The following NRXN2 variants were observed in gnomAD, a reference collection of about 807,000 sequenced individuals.
The protein encoded by NRXN2 is neurexin-2-beta.
Under a neutral mutation model 128.8 loss-of-function variants are expected in NRXN2, and 29 were observed. The ratio of observed to expected loss-of-function variants is 0.23; its 90% CI spans 0.17 to 0.31. NRXN2 has a LOEUF of 0.31. Among genes scored for constraint, NRXN2 ranks in the 10% least tolerant of loss-of-function variants. The probability of loss-of-function intolerance (pLI) is 1.00; values close to 1 mark genes in which losing one functional copy is unlikely to be tolerated. For synonymous variants in NRXN2, 1,098 were observed against 1,075.2 expected (o/e 1.02, Z -0.41); for missense variants, 1,881 against 2,452.6 (o/e 0.77, Z 4.92).
intron 2 of NRXN2, among the ~76,000 whole-genome samples, chr11:64,708,160 T>C (rs541852392): frequency 2.0e-3 from 302 of 151,378 alleles, no homozygotes; most frequent in African/African-American, 6.6e-3. Context: ...CTGACCACAC[T>C]GTAGCCCCCA....
chr11:64,703,251 A>G (rs2055760903), intron 2 of NRXN2, among the ~76,000 whole-genome samples: 1 of 152,160 alleles, frequency 6.6e-6, no homozygotes, highest in South Asian at 2.1e-4. Context: ...TCAGAAAAAA[A>G]GGCATTCTCC....
rs575781535 is a variant in NRXN2, at chr11:64,652,137, G to C, written c.2434C>G (p.Leu812Val). Residue 812 changes from leucine to valine, a missense_variant, in exon 13 of 23, where the codon CTG (leucine) becomes GTG (valine). Physicochemically the swap from Leu to Val is conservative, Grantham distance 32. Around this residue, in one of 7 missense-constraint regions of NRXN2, gnomAD observed 997 missense variants for 1,240.8 expected, o/e 0.80. Transcript: ENST00000265459. ...GCAPSKGPET[L>V]FAGHKLNDNE... ...TCATTGAGCTTGTGCCCCGCAAACA[G>C]CGTTTCGGGGCCTTTACCTGCGGCA... 3 of 1,612,582 alleles carry C rather than the reference G, an allele frequency of 1.9e-6. No individual in the cohort carries two copies. The highest frequency in any genetic ancestry group is 2.5e-6 in the Non-Finnish European group (3 of 1,179,936).
chr11:64,671,506 C>T (rs937864546), intron 7 of NRXN2, among the ~76,000 whole-genome samples: 8 of 152,218 alleles, frequency 5.3e-5, no homozygotes, highest in Non-Finnish European at 1.0e-4. Context: ...CTCCCCCCCA[C>T]GCATCTTCTG....
chr11:64,721,186 C>T (rs1047762555), intron 1 of NRXN2, among the ~76,000 whole-genome samples: 1 of 151,276 alleles, frequency 6.6e-6, no homozygotes, highest in Non-Finnish European at 1.5e-5. Context: ...CCACCGAGCG[C>T]GTGTATCATT....
chr11:64,627,013 G>C, intron 19 of NRXN2, among the ~76,000 whole-genome samples: 1 of 152,086 alleles, frequency 6.6e-6, no homozygotes, highest in East Asian at 1.9e-4. Context: ...GGGAAGGATG[G>C]GTTAAGCGGG....
chr11:64,695,185 C>T (rs1463481627), intron 3 of NRXN2, among the ~76,000 whole-genome samples: 1 of 152,212 alleles, frequency 6.6e-6, no homozygotes, highest in Non-Finnish European at 1.5e-5. Flanking sequence ...TGGCCCCCAG[C>T]CCCACTGGGG....
rs1191965242 is a variant in NRXN2, at chr11:64,622,784, C to T, written c.4142G>A (p.Arg1381His). Residue 1381 changes from arginine to histidine, a missense_variant, in exon 21 of 23, where the codon CGC becomes CAC. Arg to His is a conservative substitution (Grantham distance 29). Transcript: ENST00000265459. This position sits in a 1 kb window ranked among gnomAD's most constrained non-coding sequence, Gnocchi z 4.3. The stretch of plus-strand genomic sequence containing the variant: ...GGTGCTGTCCCTCAGTGTGGGGGAG[C>T]GGCCCCGGCGCGTGGTGGTAGTGGC... ...TMATTTTRRG[R>H]SPTLRDSTTQ... The T allele has an allele frequency of 3.1e-6, 5 of 1,611,126 alleles. No homozygotes were observed. The highest frequency in any genetic ancestry group is 3.4e-6 in the Non-Finnish European group (4 of 1,179,660).
intron 17 of NRXN2, among the ~76,000 whole-genome samples, chr11:64,640,247 C>T (rs1402287287): frequency 1.3e-5 from 2 of 152,206 alleles, no homozygotes; most frequent in African/African-American, 2.4e-5. Context: ...CACTTTCAAT[C>T]CCTCTGTCCA....
intron 8 of NRXN2, 108 bp downstream of exon 8, chr11:64,668,335 G>T: frequency 7.1e-7 from 1 of 1,415,672 alleles, no homozygotes. Flanking sequence ...CCATGGACTT[G>T]GAAGGAACAG....
intron 2 of NRXN2, chr11:64,712,611 C>T (rs1209011787): frequency 6.6e-6 from 3 of 457,726 alleles, no homozygotes; most frequent in Non-Finnish European, 1.4e-5. Context: ...ACGCAGACCC[C>T]CACCCACAAG....
Position 64,650,477 on chromosome 11 carries a change from G to A in NRXN2, c.3080C>T (p.Ser1027Phe). ...GAGATCGAGGTTTCGGGCGCCATTG[G>A]AGTGCTGCGTGACAGTGCGGGAGTC... The part of the protein sequence containing the change: ...KIDSRTVTQH[S>F]NGARNLDLKG... The change falls in exon 15 of 23, where the codon TCC becomes TTC. Residue 1027 changes from serine to phenylalanine, a missense_variant. Around this residue, in one of 7 missense-constraint regions of NRXN2, gnomAD observed 390 missense variants for 599.6 expected, o/e 0.65. Transcript: ENST00000265459. The A allele has an allele frequency of 6.2e-7, 1 of 1,614,214 alleles. No homozygotes were observed.
intron 7 of NRXN2, among the ~76,000 whole-genome samples, chr11:64,674,958 T>C (rs1242682741): frequency 1.3e-5 from 2 of 152,220 alleles, no homozygotes; most frequent in African/African-American, 4.8e-5. Flanking sequence ...ACTCAGCCCA[T>C]GTGGTCAATT....
At position 64,667,785 on chromosome 11, in the gene NRXN2, C is replaced by T. The variant is rs2050093753; in HGVS notation, c.1360-97G>A. ...GCGAGCACCAGGGGACCCAGCCACCCACCCCTGTAGCCCCTGCTCAGTTCC... is the reference window on the plus strand; with the variant it reads ...GCGAGCACCAGGGGACCCAGCCACCTACCCCTGTAGCCCCTGCTCAGTTCC... On this transcript the variant is annotated intron_variant, in intron 8 of 22. Coordinates refer to ENST00000265459, the MANE Select transcript of NRXN2 (RefSeq NM_015080.4). This position sits in a 1 kb window ranked among gnomAD's most constrained non-coding sequence, Gnocchi z 5.6. The T allele has an allele frequency of 8.7e-7, 1 of 1,146,860 alleles. No homozygotes were observed. Among genetic ancestry groups the T allele is most frequent in the Non-Finnish European group, 1.3e-6 (1 of 778,968 alleles). The allele number at this position is 1,146,860 out of a possible 1,614,324, so 71.0% of individuals were successfully genotyped here. A position where few individuals can be genotyped will look rare whatever the true frequency, so the allele number is the denominator to read the frequency against.
chr11:64,654,166 T>G (rs1308936334), intron 11 of NRXN2, among the ~76,000 whole-genome samples: 1 of 152,048 alleles, frequency 6.6e-6, no homozygotes, highest in East Asian at 1.9e-4. Flanking sequence ...GACTCCCTCC[T>G]CAGAGCCCAG....
chr11:64,688,435 G>GAA, intron 5 of NRXN2: 1 of 985,432 alleles, frequency 1.0e-6, no homozygotes, highest in Non-Finnish European at 1.2e-6. Flanking sequence ...GAGAGAGAGA[G>GAA]AACCTGAGTA....
At chr11:64,641,356 G>A (rs1285037227) in intron 17 of NRXN2, among the ~76,000 whole-genome samples, 1 of 152,086 alleles carries the variant, frequency 6.6e-6, no homozygotes, top group Non-Finnish European at 1.5e-5. Context: ...GGGAAGTGAT[G>A]AATAGACTAA....
Position 64,635,563 on chromosome 11 carries a change from T to A in NRXN2, c.3404-111A>T. Reference sequence around the variant, plus strand: ...GGAACCCCAGGTCTAGATGTGGGACTTCAGCTGTGATACCCACAGCAGCCA... The same window carrying A: ...GGAACCCCAGGTCTAGATGTGGGACATCAGCTGTGATACCCACAGCAGCCA... On this transcript the variant is annotated intron_variant, in intron 17 of 22. Coordinates refer to ENST00000265459, the MANE Select transcript of NRXN2 (RefSeq NM_015080.4). The surrounding 1 kb of genome is among the most constrained non-coding windows in gnomAD (Gnocchi z 4.8). The A allele has an allele frequency of 6.5e-6, 8 of 1,230,666 alleles. No individual in the cohort carries two copies. Among genetic ancestry groups the A allele is most frequent in the Non-Finnish European group, 9.2e-6 (8 of 865,024 alleles). 76.2% of individuals were successfully genotyped at this position (1,230,666 alleles called of 1,614,324 possible).
chr11:64,626,640 CAG>C, intron 19 of NRXN2, 88 bp from the exon 20 acceptor site: 4 of 925,710 alleles, frequency 4.3e-6, no homozygotes, highest in South Asian at 1.3e-5. Flanking sequence ...TCAGGAGACT[CAG>C]AGTAAGCAGC....
intron 1 of NRXN2, among the ~76,000 whole-genome samples, chr11:64,715,994 A>G (rs2057293514): frequency 6.6e-6 from 1 of 152,052 alleles, no homozygotes; most frequent in South Asian, 2.1e-4. Flanking sequence ...GGGGGGAGGG[A>G]AAGGTCTAAG....
Sources: allele counts gnomAD v4.1 joint callset (sites outside exome capture counted in the v4.1 genomes callset), GRCh38; gene constraint gnomAD v4.1.1; regional missense constraint gnomAD v4.1.1; non-coding constraint Gnocchi (gnomAD v3.1); transcripts MANE v1.5; gene names NCBI Gene and HGNC (gene_info 2026-07-23, HGNC 2026-07-21).